Variants in ADAMTS7 observed in about 807,000 individuals in gnomAD.
ADAMTS7 encodes A disintegrin and metalloproteinase with thrombospondin motifs 7.
ADAMTS7 carries 89 observed loss-of-function variants against 172.6 expected under a neutral mutation model. The ratio of observed to expected loss-of-function variants is 0.52; its 90% confidence interval spans 0.43 to 0.61. The LOEUF is 0.61. Ranked by LOEUF, ADAMTS7 falls within the 20% of genes least tolerant of loss-of-function variation. The probability of loss-of-function intolerance (pLI) is 0.00; values close to 1 mark genes in which losing one functional copy is unlikely to be tolerated. For synonymous variants in ADAMTS7, 885 were observed against 978.4 expected (o/e 0.90, Z 1.78); for missense variants, 1,973 against 2,355.6 (o/e 0.84, Z 3.36).
Position 78,764,092 on chromosome 15 carries a change from C to G in ADAMTS7, c.4427G>C (p.Arg1476Pro), listed in dbSNP as rs773235448. The G allele has an allele frequency of 6.6e-7, 1 of 1,525,896 alleles. No homozygotes were observed. The allele number at this position is 1,525,896 out of a possible 1,614,324, so 94.5% of individuals were successfully genotyped here. A position where few individuals can be genotyped will look rare whatever the true frequency, so the allele number is the denominator to read the frequency against. ...CACTGAGGAACCTCCGCCGCAGCTG[C>G]GGGAGCACTGGGGACCGAGAGACGT... The part of the protein sequence containing the change: ...WHSGNWSKCS[R>P]SCGGGSSVRD... Residue 1476 changes from arginine (R) to proline (P), a missense_variant, in exon 21 of 24, where the codon CGC (arginine) becomes CCC (proline). Transcript: ENST00000388820.
chr15:78,793,338 G>A (rs372685576), intron 4 of ADAMTS7, among the ~76,000 whole-genome samples: 6 of 149,594 alleles, frequency 4.0e-5, no homozygotes, highest in Admixed American at 6.7e-5. Flanking sequence ...CTGTAGTAAC[G>A]AAGTCTGTTT....
chr15:78,768,355 G>C, intron 16 of ADAMTS7, 96 bp from the exon 17 acceptor site: 2 of 1,543,204 alleles, frequency 1.3e-6, no homozygotes, highest in Non-Finnish European at 1.8e-6. Context: ...CCAGAACAGC[G>C]CCTTACTGCC....
intron 8 of ADAMTS7, among the ~76,000 whole-genome samples, chr15:78,784,423 GA>G (rs2055474661): frequency 9.7e-6 from 1 of 103,272 alleles, no homozygotes; most frequent in Non-Finnish European, 1.9e-5. Flanking sequence ...GGGAGGGAGG[GA>G]GGGAGGGAGG....
At chr15:78,774,325 T>G (rs1430451122) in intron 12 of ADAMTS7, 25 bp from the exon 13 acceptor site, 3 of 1,544,528 alleles carry the variant, frequency 1.9e-6, no homozygotes, top group African/African-American at 1.3e-5. Context: ...AGAAGAGTCA[T>G]CAGCAACAGC....
At chr15:78,785,546 CAA>C (rs58203887) in intron 8 of ADAMTS7, among the ~76,000 whole-genome samples, 236 of 124,608 alleles carry the variant, frequency 1.9e-3, no homozygotes, top group African/African-American at 2.5e-3. Flanking sequence ...GAGAGTCTCT[CAA>C]AAAAAAAAAA....
intron 8 of ADAMTS7, among the ~76,000 whole-genome samples, chr15:78,780,578 C>A (rs984215244): frequency 6.6e-6 from 1 of 151,532 alleles, no homozygotes; most frequent in African/African-American, 2.4e-5. Flanking sequence ...ATGCTGTGAC[C>A]TCTCCCCAGG....
chr15:78,774,123 G>A (rs2055297904), intron 13 of ADAMTS7, 44 bp downstream of exon 13: 1 of 1,584,980 alleles, frequency 6.3e-7, no homozygotes, highest in Non-Finnish European at 8.5e-7. Context: ...CAGTGGGGCT[G>A]GGGGCAGGCA....
In ADAMTS7 at chr15:78,771,922, G is replaced by A. The variant is rs1403184658; in HGVS notation, c.2132-93C>T. ...CTCATGTCTCTCCCCACTTGCCTCCGCCTGCTGATGCCAAAGCTTTAAAGT... is the reference window on the plus strand; with the variant it reads ...CTCATGTCTCTCCCCACTTGCCTCCACCTGCTGATGCCAAAGCTTTAAAGT... On this transcript the variant is annotated intron_variant, in intron 14 of 23. Transcript: ENST00000388820. This position sits in a 1 kb window ranked among gnomAD's most constrained non-coding sequence, Gnocchi z 4.9. The A allele has an allele frequency of 2.3e-5, 34 of 1,499,730 alleles. No individual in the cohort carries two copies. Among genetic ancestry groups the A allele is most frequent in the African/African-American group, 5.5e-5 (4 of 72,876 alleles). 92.9% of individuals were successfully genotyped at this position (1,499,730 alleles called of 1,614,324 possible).
chr15:78,795,667 C>T (rs2055633357), intron 4 of ADAMTS7, among the ~76,000 whole-genome samples: 2 of 152,198 alleles, frequency 1.3e-5, no homozygotes, highest in African/African-American at 4.8e-5. Context: ...ACGCACTTAC[C>T]TTGCCCCCAA....
intron 19 of ADAMTS7, 145 bp from the exon 20 acceptor site, chr15:78,764,852 C>T (rs2055114644): frequency 2.5e-6 from 2 of 806,572 alleles, no homozygotes; most frequent in Non-Finnish European, 3.6e-6. Context: ...GCAAAATAGG[C>T]TCCTTCACCC....
rs1328615982 is a variant in ADAMTS7 at position 78,796,572 on chromosome 15, T to C, written c.819+18A>G. On this transcript the variant is annotated intron_variant, in intron 4 of 23. Transcript: ENST00000388820. ...CAACACCATCCCCGCCACCCGCTCC[T>C]GGCCCACACAGACTCACCATGTTCA... The C allele has an allele frequency of 6.4e-7, 1 of 1,555,276 alleles. No individual in the cohort carries two copies.
chr15:78,768,041 C>T (rs1358342527), intron 17 of ADAMTS7, 92 bp downstream of exon 17: 6 of 716,974 alleles, frequency 8.4e-6, no homozygotes, highest in Admixed American at 5.6e-5. Flanking sequence ...GGGGAGTTGG[C>T]GGGGGATGGG....
chr15:78,775,459 G>A (rs2055327284), intron 11 of ADAMTS7, among the ~76,000 whole-genome samples: 1 of 151,884 alleles, frequency 6.6e-6, no homozygotes, highest in African/African-American at 2.4e-5. Context: ...TGCCTGCCCC[G>A]GGTGGCCTCC....
rs1296919742 is a variant in ADAMTS7, at chr15:78,776,803, G to A, written c.1506C>T (p.Thr502=). The A allele has an allele frequency of 2.6e-6, 4 of 1,551,342 alleles. No individual in the cohort carries two copies. The highest frequency in any genetic ancestry group is 8.7e-7 in the Non-Finnish European group (1 of 1,146,678). ...CHTLWCSVGT[T]CHSKLDAAVD... ...CAGCTGCATCCAGCTTGGAGTGACA[G>A]GTGGTCCCCACAGAGCACCAGAGTG... The change falls in exon 10 of 24, where the codon ACC becomes ACT. Residue 502 remains threonine, a synonymous_variant. Transcript: ENST00000388820.
At chr15:78,759,773 C>T (rs2055012395) in intron 23 of ADAMTS7, among the ~76,000 whole-genome samples, 195 bp from the exon 24 acceptor site, 1 of 152,160 alleles carries the variant, frequency 6.6e-6, no homozygotes. Flanking sequence ...TCATGGCCAA[C>T]CCCAGGACTC....
chr15:78,811,070 G>T, intron 1 of ADAMTS7, 51 bp downstream of exon 1: 2 of 1,227,290 alleles, frequency 1.6e-6, no homozygotes, highest in South Asian at 4.1e-5. Context: ...GAGACTGGGG[G>T]AGCGGGAAGG....
At chr15:78,799,981 C>G (rs2055697124) in intron 2 of ADAMTS7, among the ~76,000 whole-genome samples, 1 of 151,978 alleles carries the variant, frequency 6.6e-6, no homozygotes, top group South Asian at 2.1e-4. Flanking sequence ...TGCACCACCA[C>G]CCGGCTTTCA....
chr15:78,759,960 C>T (rs540849474), intron 23 of ADAMTS7, among the ~76,000 whole-genome samples: 2 of 152,106 alleles, frequency 1.3e-5, no homozygotes, highest in African/African-American at 2.4e-5. Context: ...GGTCCCGGGG[C>T]CTCCTGCCAG....
At chr15:78,762,059 C>G in intron 23 of ADAMTS7, 6 of 985,408 alleles carry the variant, frequency 6.1e-6, no homozygotes, top group Non-Finnish European at 7.2e-6. Flanking sequence ...CAGGGACATC[C>G]CTGGTCTCAC....
Sources: allele counts gnomAD v4.1 joint callset (sites outside exome capture counted in the v4.1 genomes callset), GRCh38; gene constraint gnomAD v4.1.1; non-coding constraint Gnocchi (gnomAD v3.1); transcripts MANE v1.5; gene names NCBI Gene and HGNC (gene_info 2026-07-23, HGNC 2026-07-21).